The following SFI1 variants were observed in gnomAD, a reference collection of about 807,000 sequenced individuals.
SFI1 encodes SFI1 centrin binding protein, also known as protein SFI1 homolog.
A neutral mutation model predicts 207.5 loss-of-function variants in SFI1; 195 were observed. The ratio of observed to expected loss-of-function variants is 0.94; its 90% CI spans 0.84 to 1.06. The LOEUF is 1.06. Among genes scored for constraint, SFI1 ranks in the 50% least tolerant of loss-of-function variants. The probability of loss-of-function intolerance (pLI) is 0.00; values close to 1 mark genes in which losing one functional copy is unlikely to be tolerated. For synonymous variants in SFI1, 630 were observed against 598.9 expected (o/e 1.05, Z -0.76); for missense variants, 1,634 against 1,588.0 (o/e 1.03, Z -0.49).
chr22:31,505,516 G>A (rs1346025433), intron 1 of SFI1, among the ~76,000 whole-genome samples: 1 of 152,118 alleles, frequency 6.6e-6, no homozygotes, highest in Non-Finnish European at 1.5e-5. Context: ...AGCTACTTGG[G>A]AGGCCGAGAC....
intron 1 of SFI1, among the ~76,000 whole-genome samples, chr22:31,500,246 T>C (rs4535154): frequency 0.72 from 99,967 of 138,038 alleles, 36,137 homozygotes; most frequent in Middle Eastern, 0.75. Flanking sequence ...ACCCGGGAGC[T>C]GAGATCGCAC....
At chr22:31,593,279 C>T (rs1440371584) in intron 15 of SFI1, among the ~76,000 whole-genome samples, 33 of 137,926 alleles carry the variant, frequency 2.4e-4, no homozygotes, top group East Asian at 1.1e-3. Context: ...ACTTCTCAGA[C>T]GGGGCGGCCG....
intron 8 of SFI1, among the ~76,000 whole-genome samples, chr22:31,568,178 TG>T (rs1300723372): frequency 1.7e-5 from 2 of 120,200 alleles, no homozygotes; most frequent in African/African-American, 3.2e-5. Context: ...TGTGTGTGTG[TG>T]TGTGTGTGTG....
At chr22:31,572,801 C>T (rs1432398724) in intron 8 of SFI1, 1 of 300,574 alleles carries the variant, frequency 3.3e-6, no homozygotes, top group Non-Finnish European at 6.3e-6. Flanking sequence ...CTGCACCAGC[C>T]ATCTGCTTTC....
At chr22:31,503,560 A>G (rs893041660) in intron 1 of SFI1, among the ~76,000 whole-genome samples, 1 of 149,718 alleles carries the variant, frequency 6.7e-6, no homozygotes, top group East Asian at 2.0e-4. Flanking sequence ...GTCAACACCT[A>G]ATAATTTTTG....
intron 1 of SFI1, among the ~76,000 whole-genome samples, chr22:31,502,500 A>C (rs865963861): frequency 4.7e-4 from 71 of 151,862 alleles, no homozygotes; most frequent in Non-Finnish European, 3.2e-4. Context: ...CAGCCTCCCA[A>C]GTAGCTGGGA....
intron 15 of SFI1, among the ~76,000 whole-genome samples, chr22:31,596,578 G>T (rs1455825221): frequency 6.6e-6 from 1 of 151,938 alleles, no homozygotes; most frequent in Non-Finnish European, 1.5e-5. Flanking sequence ...ATCACCTGAG[G>T]TCAGAAGTTG....
chr22:31,560,928 C>G (rs979015909), intron 7 of SFI1, among the ~76,000 whole-genome samples: 4 of 152,082 alleles, frequency 2.6e-5, no homozygotes, highest in African/African-American at 9.7e-5. Flanking sequence ...TCTTTTAACT[C>G]CTGACCTCAG....
At chr22:31,614,673 G>A in intron 27 of SFI1, 116 bp from the exon 28 acceptor site, 1 of 1,214,398 alleles carries the variant, frequency 8.2e-7, no homozygotes, top group South Asian at 1.3e-5. Context: ...TGCTGACCTT[G>A]GCCTCGCCTT....
chr22:31,593,994 G>GGGGC (rs1569421741), intron 15 of SFI1, among the ~76,000 whole-genome samples: 360 of 74,496 alleles, frequency 4.8e-3, no homozygotes, highest in African/African-American at 0.015. Flanking sequence ...AGACGAGGGA[G>GGGGC]AGGGAGAGGG....
At chr22:31,555,090 A>G (rs2148118528) in intron 6 of SFI1, among the ~76,000 whole-genome samples, 1 of 152,138 alleles carries the variant, frequency 6.6e-6, no homozygotes, top group Middle Eastern at 3.4e-3. Context: ...AATATGCTCT[A>G]TCTTGTAAAT....
chr22:31,574,540 C>CT lies in SFI1; in HGVS notation c.923-690dup, dbSNP rs1448103676. ...GAATTTTATGTCATTGACTCAATCTCTAAGTCCTATCCAGGAGACATTTGT... is the reference window on the plus strand; with the variant it reads ...GAATTTTATGTCATTGACTCAATCTCTTAAGTCCTATCCAGGAGACATTTGT... On this transcript the variant is annotated intron_variant, in intron 9 of 32. Coordinates refer to ENST00000400288, the MANE Select transcript of SFI1 (RefSeq NM_001007467.3). Among the ~76,000 whole-genome samples the CT allele has an allele frequency of 5.3e-5, 8 of 152,332 alleles. No individual in the cohort carries two copies. The East Asian group carries it at 5.8e-4, about 11-fold the overall frequency.
At chr22:31,597,266 A>T (rs2067290161) in intron 15 of SFI1, among the ~76,000 whole-genome samples, 1 of 152,196 alleles carries the variant, frequency 6.6e-6, no homozygotes, top group Admixed American at 6.5e-5. Flanking sequence ...TAGAGCTATC[A>T]CTCTGGAGAA....
At chr22:31,502,772 T>C (rs1260171270) in intron 1 of SFI1, among the ~76,000 whole-genome samples, 2 of 152,136 alleles carry the variant, frequency 1.3e-5, no homozygotes, top group Non-Finnish European at 2.9e-5. Flanking sequence ...TGGAGGTCTT[T>C]TCTAAATGTT....
chr22:31,603,597 C>G, intron 17 of SFI1, 147 bp from the exon 18 acceptor site: 1 of 566,798 alleles, frequency 1.8e-6, no homozygotes, highest in South Asian at 4.6e-5. Flanking sequence ...TTTTCTGAGA[C>G]TGCAAGTTCT....
chr22:31,583,217 G>A (rs916250397), intron 12 of SFI1, among the ~76,000 whole-genome samples: 1 of 152,100 alleles, frequency 6.6e-6, no homozygotes, highest in East Asian at 1.9e-4. Context: ...GGGTTTAAGC[G>A]ATTCTCCTGC....
At chr22:31,571,825 C>T (rs1225895280) in intron 8 of SFI1, among the ~76,000 whole-genome samples, 1 of 151,932 alleles carries the variant, frequency 6.6e-6, no homozygotes, top group Non-Finnish European at 1.5e-5. Context: ...CATATTAAAA[C>T]TGTATATTGT....
chr22:31,603,465 C>G (rs901930658), intron 17 of SFI1, among the ~76,000 whole-genome samples: 1 of 152,208 alleles, frequency 6.6e-6, no homozygotes, highest in African/African-American at 2.4e-5. Flanking sequence ...ATCTCACTCC[C>G]TGTCGCACAC....
At chr22:31,594,402 G>T (rs1185777232) in intron 15 of SFI1, among the ~76,000 whole-genome samples, 2 of 150,950 alleles carry the variant, frequency 1.3e-5, no homozygotes, top group Admixed American at 1.3e-4. Flanking sequence ...ACAAAAATTA[G>T]CCCGGTCTGG....
Sources: allele counts gnomAD v4.1 joint callset (sites outside exome capture counted in the v4.1 genomes callset), GRCh38; gene constraint gnomAD v4.1.1; transcripts MANE v1.5; gene names NCBI Gene and HGNC (gene_info 2026-07-23, HGNC 2026-07-21).